The following NREP variants were observed in gnomAD, a reference collection of about 807,000 sequenced individuals.
NREP encodes neuronal regeneration-related protein.
Under a neutral mutation model 8.6 loss-of-function variants are expected in NREP, and 5 were observed. The ratio of observed to expected loss-of-function variants is 0.58; its 90% confidence interval spans 0.30 to 1.22. The LOEUF is 1.22. Among genes scored for constraint, NREP ranks in the 50% most tolerant of loss-of-function variants. The pLI is 0.07. For missense variants in NREP, 86 were observed against 82.5 expected, an observed-to-expected ratio of 1.04 and a Z score of -0.17; for synonymous variants, 27 against 28.0, an observed-to-expected ratio of 0.96 and a Z score of 0.11.
chr5:111,858,843 C>G (rs550239701), intron 2 of NREP, among the ~76,000 whole-genome samples: 1 of 152,064 alleles, frequency 6.6e-6, no homozygotes, highest in Non-Finnish European at 1.5e-5. Flanking sequence ...AACAACCTTA[C>G]GAGCATCAAC....
chr5:111,820,634 A>G lies in NREP; in HGVS notation c.136-85127T>C, dbSNP rs115486723. Among the ~76,000 whole-genome samples, 1,152 of 152,202 alleles carry G rather than the reference A, an allele frequency of 7.6e-3. 13 individuals are homozygous for G. Among genetic ancestry groups the G allele is most frequent in the African/African-American group, 0.026 (1,078 of 41,538 alleles). ...ATATGGCTGATCATAAATATGTTAC[A>G]TTATTGTTAGTGCTTTTCTACACAT... On this transcript the variant is annotated intron_variant, in intron 2 of 3. Coordinates refer to the NREP transcript ENST00000395634.
At chr5:111,918,460 A>G (rs985917093) in intron 2 of NREP, among the ~76,000 whole-genome samples, 1 of 152,288 alleles carries the variant, frequency 6.6e-6, no homozygotes, top group South Asian at 2.1e-4. Context: ...CAAACTAACT[A>G]TACTACATGG....
chr5:111,837,354 T>C (rs1311671946), intron 2 of NREP, among the ~76,000 whole-genome samples: 3 of 152,026 alleles, frequency 2.0e-5, no homozygotes, highest in Non-Finnish European at 2.9e-5. Context: ...TGAAACCTTA[T>C]TTAAGGGGCT....
At chr5:111,836,136 A>G (rs1376649751) in intron 2 of NREP, among the ~76,000 whole-genome samples, 5 of 152,138 alleles carry the variant, frequency 3.3e-5, no homozygotes, top group Non-Finnish European at 5.9e-5. Flanking sequence ...CTAGACACTG[A>G]TTCTCCTTTC....
At chr5:111,972,510 A>C (rs757620676) in intron 2 of NREP, among the ~76,000 whole-genome samples, 3 of 152,148 alleles carry the variant, frequency 2.0e-5, no homozygotes, top group Non-Finnish European at 2.9e-5. Context: ...TTTATTTTTT[A>C]ATTATTTACT....
intron 2 of NREP, among the ~76,000 whole-genome samples, chr5:111,926,205 G>C (rs1021450720): frequency 6.6e-6 from 1 of 152,148 alleles, no homozygotes; most frequent in Non-Finnish European, 1.5e-5. Flanking sequence ...GGGTAAAAGC[G>C]AAACTGGGGA....
intron 2 of NREP, among the ~76,000 whole-genome samples, chr5:111,866,304 AG>A (rs1013787269): frequency 6.6e-6 from 1 of 152,146 alleles, no homozygotes; most frequent in African/African-American, 2.4e-5. Flanking sequence ...CAAATTTACG[AG>A]AAAAAAAAAC....
chr5:111,952,097 G>A (rs1013791426), intron 2 of NREP, among the ~76,000 whole-genome samples: 1 of 151,954 alleles, frequency 6.6e-6, no homozygotes. Flanking sequence ...TGCAATATAC[G>A]GCCTTCTACT....
At chr5:111,832,425 T>G (rs888547900) in intron 2 of NREP, among the ~76,000 whole-genome samples, 4 of 152,016 alleles carry the variant, frequency 2.6e-5, no homozygotes, top group African/African-American at 9.7e-5. Flanking sequence ...CAGCTACTTG[T>G]GGGTCTGATG....
chr5:111,812,223 G>A (rs1173153013), intron 2 of NREP, among the ~76,000 whole-genome samples: 1 of 152,150 alleles, frequency 6.6e-6, no homozygotes, highest in Non-Finnish European at 1.5e-5. Context: ...GGAGGTGGAG[G>A]TTGCGGTGAG....
intron 2 of NREP, among the ~76,000 whole-genome samples, chr5:111,932,334 G>C (rs907809228): frequency 1.3e-5 from 2 of 152,004 alleles, no homozygotes. Context: ...ACACTGAATG[G>C]AATGTATTAA....
chr5:111,787,304 A>C (rs1364638203), intron 2 of NREP, among the ~76,000 whole-genome samples: 1 of 152,186 alleles, frequency 6.6e-6, no homozygotes, highest in African/African-American at 2.4e-5. Flanking sequence ...GAGAGAGAGA[A>C]ATATTGTTTA....
At chr5:111,886,014 C>T (rs1754236463) in intron 2 of NREP, among the ~76,000 whole-genome samples, 1 of 152,196 alleles carries the variant, frequency 6.6e-6, no homozygotes, top group Admixed American at 6.5e-5. Context: ...GCAAAAGAAA[C>T]TACCATCAGA....
intron 2 of NREP, among the ~76,000 whole-genome samples, chr5:111,918,077 G>A (rs942288068): frequency 3.9e-5 from 6 of 152,066 alleles, no homozygotes; most frequent in Non-Finnish European, 8.8e-5. Context: ...GACCAATAGA[G>A]AGCCAAATCA....
At chr5:111,878,859 T>C (rs987938784) in intron 2 of NREP, among the ~76,000 whole-genome samples, 1 of 152,186 alleles carries the variant, frequency 6.6e-6, no homozygotes, top group African/African-American at 2.4e-5. Context: ...ACTCCATTCA[T>C]GTATTTTATG....
intron 2 of NREP, among the ~76,000 whole-genome samples, chr5:111,965,994 T>C (rs190584207): frequency 6.6e-6 from 1 of 152,292 alleles, no homozygotes; most frequent in East Asian, 1.9e-4. Flanking sequence ...GTGATGTGAA[T>C]GGCCTCCCTC....
rs369652020 is a variant in NREP, at chr5:111,777,935, G to A, written c.136-42428C>T. 2.0e-4 allele frequency among the ~76,000 whole-genome samples: 30 copies of A among 152,214 alleles called. 2 individuals are homozygous for A. The East Asian group carries it at 4.1e-3, about 21-fold the overall frequency. On this transcript the variant is annotated intron_variant, in intron 2 of 3. Transcript: ENST00000395634. ...ATAGGTTGCTGATTGAGATAAATAG[G>A]GTATGGGAGGTCCAGGAATTTCATT...
Position 111,777,202 on chromosome 5 carries a change from T to G in NREP, c.136-41695A>C, listed in dbSNP as rs74895949. 2.2e-4 allele frequency among the ~76,000 whole-genome samples: 33 copies of G among 152,270 alleles called. No individual in the cohort carries two copies. The East Asian group carries it at 6.0e-3, about 28-fold the overall frequency. Reference sequence around the variant, plus strand: ...ACTATTTCCTCAATTCTTCTATGGATGGTACATAATTAATATCATTCCTGA... The same window carrying G: ...ACTATTTCCTCAATTCTTCTATGGAGGGTACATAATTAATATCATTCCTGA... On this transcript the variant is annotated intron_variant, in intron 2 of 3. Coordinates refer to the NREP transcript ENST00000395634.
intron 2 of NREP, among the ~76,000 whole-genome samples, chr5:111,783,373 G>C (rs1026316982): frequency 6.6e-6 from 1 of 152,088 alleles, no homozygotes; most frequent in Non-Finnish European, 1.5e-5. Flanking sequence ...CTATATGTTG[G>C]GGAAAAGATA....
Sources: gnomAD v4.1 joint callset for allele counts (sites outside exome capture counted in the v4.1 genomes callset) on GRCh38, gnomAD v4.1.1 for gene constraint, MANE v1.5 for transcripts, NCBI Gene and HGNC (gene_info 2026-07-23, HGNC 2026-07-21) for gene names.